Variants in IL17RD observed in about 807,000 individuals in gnomAD.
The protein encoded by IL17RD is interleukin-17 receptor D.
In IL17RD, 52 loss-of-function variants were observed where a neutral mutation model predicts 80.5. The observed-to-expected ratio is 0.65, with a 90% CI of 0.52 to 0.81. IL17RD has a LOEUF of 0.81. Ranked by LOEUF, IL17RD falls within the 40% of genes least tolerant of loss-of-function variation. The probability of loss-of-function intolerance (pLI) is 0.00; values close to 1 mark genes in which losing one functional copy is unlikely to be tolerated. For missense variants in IL17RD, 1,024 were observed against 955.1 expected, an observed-to-expected ratio of 1.07 and a Z score of -0.95; for synonymous variants, 416 against 391.8, an observed-to-expected ratio of 1.06 and a Z score of -0.73.
chr3:57,142,503 G>C, intron 1 of IL17RD: 1 of 1,288,170 alleles, frequency 7.8e-7, no homozygotes, highest in South Asian at 1.2e-5. Flanking sequence ...GAAGCGCGTG[G>C]CATCCCTCCC....
intron 1 of IL17RD, among the ~76,000 whole-genome samples, chr3:57,142,980 GCT>G (rs1293830239): frequency 6.6e-6 from 1 of 152,016 alleles, no homozygotes; most frequent in African/African-American, 2.4e-5. Flanking sequence ...GTTGATGCTG[GCT>G]CTGAGTATTG....
At chr3:57,150,327 A>C (rs1304827186) in intron 1 of IL17RD, 2 of 152,210 alleles carry the variant, frequency 1.3e-5, no homozygotes, top group Non-Finnish European at 2.9e-5. Context: ...TGCACATGGC[A>C]GCCGTCCATC....
chr3:57,095,087 G>T lies in IL17RD; in HGVS notation c.*1306C>A, dbSNP rs1267902993. On this transcript the variant is annotated 3_prime_UTR_variant, in exon 13 of 13. Transcript: ENST00000296318. ...TTTCTCAACATACCCCTTCATGTTG[G>T]TCTTATCTGACGAAGAAGTGAAAAC... 2 of 152,336 alleles carry T rather than the reference G, an allele frequency of 1.3e-5. No homozygotes were observed. Among genetic ancestry groups the T allele is most frequent in the African/African-American group, 4.8e-5 (2 of 41,408 alleles). The allele number at this position is 152,336 out of a possible 1,614,324, so 9.4% of individuals were successfully genotyped here. A position where few individuals can be genotyped will look rare whatever the true frequency, so the allele number is the denominator to read the frequency against.
Position 57,105,552 on chromosome 3 carries a change from A to AATATAT in IL17RD, c.747+299_747+304dup, listed in dbSNP as rs1553623051. ...ACTCCATCTCAAAAAAAAAAAAAAA[A>AATATAT]ATATATATATATATATATTTGTTCA... On this transcript the variant is annotated intron_variant, in intron 7 of 12. Transcript: ENST00000296318. Among the ~76,000 whole-genome samples, 119 of 63,476 alleles carry AATATAT rather than the reference A, an allele frequency of 1.9e-3. 1 individual carries two copies. The highest frequency in any genetic ancestry group is 5.3e-3 in the African/African-American group (57 of 10,708). 41.6% of individuals were successfully genotyped at this position (63,476 alleles called of 152,430 possible).
At chr3:57,154,521 C>T (rs976158149) in intron 1 of IL17RD, among the ~76,000 whole-genome samples, 2 of 151,904 alleles carry the variant, frequency 1.3e-5, no homozygotes, top group Non-Finnish European at 2.9e-5. Context: ...AAATGTGTGA[C>T]CCTTTAAGTA....
In IL17RD at chr3:57,092,039, T is replaced by C. The variant is rs1176078114; in HGVS notation, c.*4354A>G. On this transcript the variant is annotated 3_prime_UTR_variant, in exon 13 of 13. Coordinates refer to ENST00000296318, the MANE Select transcript of IL17RD (RefSeq NM_017563.5). ...ACCCCATTTGGACTCCTAACTGATA[T>C]CTCAGTATCAGGAAAAGCTTTTCTC... 1 of 152,660 alleles carries C rather than the reference T, an allele frequency of 6.6e-6. No homozygotes were observed. Among genetic ancestry groups the C allele is most frequent in the African/African-American group, 2.4e-5 (1 of 41,448 alleles). 9.5% of individuals were successfully genotyped at this position (152,660 alleles called of 1,614,324 possible). A position where few individuals can be genotyped will look rare whatever the true frequency, so the allele number is the denominator to read the frequency against.
intron 1 of IL17RD, chr3:57,134,541 TG>T: frequency 7.2e-7 from 1 of 1,388,476 alleles, no homozygotes; most frequent in Non-Finnish European, 1.0e-6. Flanking sequence ...CAAAAACAAG[TG>T]GATTCTCATG....
At chr3:57,162,644 G>A (rs1020110524) in intron 1 of IL17RD, among the ~76,000 whole-genome samples, 1 of 152,180 alleles carries the variant, frequency 6.6e-6, no homozygotes, top group African/African-American at 2.4e-5. Flanking sequence ...AACAGCATGT[G>A]CAAAGACAAT....
At chr3:57,157,204 A>G (rs1376155247) in intron 1 of IL17RD, among the ~76,000 whole-genome samples, 1 of 152,186 alleles carries the variant, frequency 6.6e-6, no homozygotes, top group South Asian at 2.1e-4. Flanking sequence ...AGGTGGCCTC[A>G]AGCAGGGCCT....
At chr3:57,135,889 G>GTA (rs59736048) in intron 1 of IL17RD, among the ~76,000 whole-genome samples, 100 of 151,944 alleles carry the variant, frequency 6.6e-4, no homozygotes, top group African/African-American at 2.4e-3. Context: ...AAGAGGACAC[G>GTA]GTGACAAGGC....
chr3:57,143,947 G>T (rs146173683), intron 1 of IL17RD, among the ~76,000 whole-genome samples: 1 of 152,328 alleles, frequency 6.6e-6, no homozygotes, highest in Non-Finnish European at 1.5e-5. Flanking sequence ...TATCAGAACT[G>T]TGGAAATAGT....
In IL17RD at chr3:57,098,199, C is replaced by T; in HGVS notation, c.1504G>A (p.Asp502Asn). Reference sequence around the variant, plus strand: ...TGGGAACAGAGCTGAGGAAGATTGTCCATGAGTCTGTACTTGGTACTCAGG... The same window carrying T: ...TGGGAACAGAGCTGAGGAAGATTGTTCATGAGTCTGTACTTGGTACTCAGG... ...LDLSTKYRLM[D>N]NLPQLCSHLH... The change falls in exon 12 of 13, where the codon GAC (aspartate) becomes AAC (asparagine). Residue 502 changes from aspartate (D) to asparagine (N), a missense_variant. Physicochemically the swap from Asp to Asn is conservative, Grantham distance 23 (BLOSUM62 1). Coordinates refer to ENST00000296318, the MANE Select transcript of IL17RD (RefSeq NM_017563.5). 6.2e-7 allele frequency: 1 copy of T among 1,613,882 alleles called. No individual in the cohort carries two copies. Among genetic ancestry groups the T allele is most frequent in the East Asian group, 2.2e-5 (1 of 44,870 alleles).
intron 5 of IL17RD, among the ~76,000 whole-genome samples, chr3:57,106,788 C>T (rs1056761007): frequency 3.3e-5 from 5 of 152,236 alleles, no homozygotes; most frequent in Admixed American, 2.0e-4. Context: ...TGCTTGCTAA[C>T]CCAGGGAGAG....
chr3:57,155,078 AAAG>A (rs1457816292), intron 1 of IL17RD, among the ~76,000 whole-genome samples: 1 of 152,210 alleles, frequency 6.6e-6, no homozygotes, highest in Non-Finnish European at 1.5e-5. Flanking sequence ...GCAGCCCCGG[AAAG>A]AAGGCAAAGA....
chr3:57,097,883 G>C lies in IL17RD; in HGVS notation c.1820C>G (p.Ala607Gly). The change falls in exon 12 of 13, where the codon GCG becomes GGG. Residue 607 changes from alanine to glycine, a missense_variant. Ala to Gly is a moderately conservative substitution (Grantham distance 60). Transcript: ENST00000296318. The part of the protein sequence containing the change: ...PESDFCLKVE[A>G]AVLGATGPAD... ...TGGTCCGGTTGCCCCAAGAACAGCC[G>C]CCTCTACCTTTAGGCAGAAGTCACT... The C allele has an allele frequency of 6.2e-7, 1 of 1,613,934 alleles. No individual in the cohort carries two copies.
intron 5 of IL17RD, among the ~76,000 whole-genome samples, chr3:57,109,275 A>C (rs1707037202): frequency 6.6e-6 from 1 of 151,894 alleles, no homozygotes; most frequent in African/African-American, 2.4e-5. Flanking sequence ...TAGCCTCCCG[A>C]GTAGTGGGAT....
chr3:57,102,454 G>A (rs1330876680), intron 10 of IL17RD, 25 bp downstream of exon 10: 7 of 1,358,222 alleles, frequency 5.2e-6, no homozygotes, highest in Non-Finnish European at 7.1e-6. Flanking sequence ...CTTGTTGTGG[G>A]GAGACACAGC....
intron 11 of IL17RD, among the ~76,000 whole-genome samples, chr3:57,098,838 T>G (rs1257228452): frequency 1.3e-5 from 2 of 152,256 alleles, no homozygotes; most frequent in East Asian, 3.8e-4. Context: ...TTTTGGCACC[T>G]TGCCCAAGTC....
chr3:57,150,873 G>A (rs1463189697), intron 1 of IL17RD, among the ~76,000 whole-genome samples: 1 of 152,138 alleles, frequency 6.6e-6, no homozygotes, highest in Admixed American at 6.5e-5. Context: ...AATTACGAAG[G>A]GGGCCAAAAC....
Sources: gnomAD v4.1 joint callset for allele counts (sites outside exome capture counted in the v4.1 genomes callset) on GRCh38, gnomAD v4.1.1 for gene constraint, MANE v1.5 for transcripts, NCBI Gene and HGNC (gene_info 2026-07-23, HGNC 2026-07-21) for gene names.